Variants in ARPC3 observed in about 807,000 individuals in gnomAD.
The protein encoded by ARPC3 is actin related protein 2/3 complex subunit 3, also known as actin-related protein 2/3 complex subunit 3.
A neutral mutation model predicts 27.6 loss-of-function variants in ARPC3; 12 were observed. The observed-to-expected ratio is 0.43, with a 90% CI of 0.28 to 0.70. ARPC3 has a LOEUF of 0.70. Among genes scored for constraint, ARPC3 ranks in the 30% least tolerant of loss-of-function variants. The pLI is 0.17. For synonymous variants in ARPC3, 53 were observed against 67.2 expected (o/e 0.79, Z 1.03); for missense variants, 153 against 207.7 (o/e 0.74, Z 1.62).
chr12:110,436,273 G>T, intron 5 of ARPC3, 69 bp from the exon 6 acceptor site: 1 of 1,269,790 alleles, frequency 7.9e-7, no homozygotes, highest in South Asian at 1.2e-5. Context: ...TGCAGCTCTG[G>T]ATGCTCACTG....
chr12:110,449,261 TTAAAAATAATGTGTGAG>T (rs2062485215), intron 1 of ARPC3, among the ~76,000 whole-genome samples: 1 of 152,074 alleles, frequency 6.6e-6, no homozygotes, highest in Non-Finnish European at 1.5e-5. Context: ...TTAACGTTTG[TTAAAAATAATGTGTGAG>T]CAGGCTGGGC....
chr12:110,447,650 G>A (rs1411010197), intron 1 of ARPC3, among the ~76,000 whole-genome samples: 1 of 152,130 alleles, frequency 6.6e-6, no homozygotes, highest in Non-Finnish European at 1.5e-5. Flanking sequence ...GTGCATGCCT[G>A]TATTCCCAGC....
chr12:110,444,119 G>A (rs995690763), intron 2 of ARPC3, among the ~76,000 whole-genome samples: 3 of 151,566 alleles, frequency 2.0e-5, no homozygotes, highest in Non-Finnish European at 2.9e-5. Flanking sequence ...ACAGGCATGC[G>A]CCACCATGCC....
Position 110,436,695 on chromosome 12 carries a change from A to AAAT in ARPC3, c.253-13_253-12insATT, listed in dbSNP as rs764485902. 1.7e-4 allele frequency: 127 copies of AAAT among 735,078 alleles called. 6 individuals are homozygous for AAAT. In the Middle Eastern group the frequency reaches 2.1e-3, roughly 12 times the overall value. The allele number at this position is 735,078 out of a possible 1,614,324, so 45.5% of individuals were successfully genotyped here. A position where few individuals can be genotyped will look rare whatever the true frequency, so the allele number is the denominator to read the frequency against. ...CTTTTGGAATTGCACTGGAAAAAAA[A>AAAT]ATATATATATATATATACACACACA... On this transcript the variant is annotated splice_polypyrimidine_tract_variant and intron_variant, in intron 4 of 6. Transcript: ENST00000228825.
intron 5 of ARPC3, 63 bp downstream of exon 5, chr12:110,436,494 G>A: frequency 6.2e-7 from 1 of 1,603,460 alleles, no homozygotes; most frequent in Non-Finnish European, 8.5e-7. Context: ...AAGAGGGGTG[G>A]TAGGAAGTCA....
intron 3 of ARPC3, 93 bp from the exon 4 acceptor site, chr12:110,437,245 CTGAA>C: frequency 1.1e-6 from 1 of 874,224 alleles, no homozygotes; most frequent in Non-Finnish European, 1.9e-6. Context: ...TGATTATCTG[CTGAA>C]TGCAGTGGTA....
At chr12:110,445,420 C>T in intron 2 of ARPC3, 32 bp downstream of exon 2, 1 of 1,513,842 alleles carries the variant, frequency 6.6e-7, no homozygotes, top group South Asian at 1.1e-5. Context: ...GCATTTCGTA[C>T]CAAAATTTGA....
chr12:110,447,849 C>T (rs2062474488), intron 1 of ARPC3, among the ~76,000 whole-genome samples: 1 of 147,980 alleles, frequency 6.8e-6, no homozygotes, highest in Non-Finnish European at 1.5e-5. Context: ...CCAGGGTGCT[C>T]TATGTGCGAT....
intron 2 of ARPC3, chr12:110,440,648 G>A (rs1267997033): frequency 3.0e-4 from 115 of 378,110 alleles, no homozygotes; most frequent in Non-Finnish European, 4.6e-4. Context: ...CCGGGTTCAC[G>A]CCATTCTCCT....
In ARPC3 at chr12:110,450,150, G is replaced by C. The variant is rs2062493254; in HGVS notation, c.6+105C>G. On this transcript the variant is annotated intron_variant, in intron 1 of 6. Transcript: ENST00000228825. Reference sequence around the variant, plus strand: ...TCGCCTCCCTCCTTCTCGGGCCCCAGCTTCCTCTCTGCCTTCCGCCGCCCG... The same window carrying C: ...TCGCCTCCCTCCTTCTCGGGCCCCACCTTCCTCTCTGCCTTCCGCCGCCCG... The C allele has an allele frequency of 7.3e-6, 11 of 1,514,052 alleles. No individual in the cohort carries two copies. In the South Asian group the frequency reaches 1.3e-4, roughly 18 times the overall value. The allele number at this position is 1,514,052 out of a possible 1,614,324, so 93.8% of individuals were successfully genotyped here.
chr12:110,445,408 A>T (rs1330039489), intron 2 of ARPC3, 44 bp downstream of exon 2: 2 of 1,362,790 alleles, frequency 1.5e-6, no homozygotes, highest in South Asian at 1.2e-5. Context: ...GAAGATTGTT[A>T]GGCATTTCGT....
In ARPC3 at chr12:110,450,283, C is replaced by T; in HGVS notation, c.-23G>A. ...CATCTTGGCGGCGCCCGGGTTTCAA[C>T]CCAGAGGAGCAGGATCCAGGTACAG... On this transcript the variant is annotated 5_prime_UTR_variant, in exon 1 of 7. Transcript: ENST00000228825. 1.2e-6 allele frequency: 2 copies of T among 1,614,014 alleles called. No homozygotes were observed. Among genetic ancestry groups the T allele is most frequent in the Admixed American group, 3.3e-5 (2 of 60,014 alleles).
intron 3 of ARPC3, 98 bp downstream of exon 3, chr12:110,440,214 G>T (rs2062428046): frequency 4.9e-6 from 4 of 822,540 alleles, no homozygotes; most frequent in South Asian, 4.4e-5. Context: ...ATTACATGCT[G>T]ATTTCATTTT....
intron 6 of ARPC3, among the ~76,000 whole-genome samples, chr12:110,435,495 A>C (rs1399282592): frequency 6.6e-6 from 1 of 151,854 alleles, no homozygotes; most frequent in Non-Finnish European, 1.5e-5. Context: ...ACGCCTGGCT[A>C]ATTTTTTGTA....
intron 3 of ARPC3, among the ~76,000 whole-genome samples, chr12:110,439,608 G>A (rs369739983): frequency 5.3e-5 from 8 of 152,158 alleles, no homozygotes; most frequent in African/African-American, 9.7e-5. Flanking sequence ...TGAGGTGAGC[G>A]GATCATGAGG....
At chr12:110,437,337 G>C in intron 3 of ARPC3, 185 bp from the exon 4 acceptor site, 1 of 579,872 alleles carries the variant, frequency 1.7e-6, no homozygotes, top group African/African-American at 1.9e-5. Context: ...CTGCCCCTGG[G>C]AGGAAGGCAC....
rs138019277 is a variant in ARPC3 at position 110,446,631 on chromosome 12, C to T, written c.7-1080G>A. 6.4e-3 allele frequency among the ~76,000 whole-genome samples: 888 copies of T among 137,758 alleles called. 14 individuals carry two copies. The highest frequency in any genetic ancestry group is 0.022 in the African/African-American group (818 of 36,380). The allele number at this position is 137,758 out of a possible 152,430, so 90.4% of individuals were successfully genotyped here. ...TCCTAATTTTTTTTTTTTTTTGAGA[C>T]GGAGTCTTGCCCTGTCGCCCAGGAT... On this transcript the variant is annotated intron_variant, in intron 1 of 6. Coordinates refer to ENST00000228825, the MANE Select transcript of ARPC3 (RefSeq NM_001278556.2).
At chr12:110,442,878 TTTC>T (rs1377172703) in intron 2 of ARPC3, 1 of 152,254 alleles carries the variant, frequency 6.6e-6, no homozygotes, top group South Asian at 2.1e-4. Flanking sequence ...ATTTTTTGTT[TTTC>T]TTCTTCTTAT....
intron 3 of ARPC3, 108 bp from the exon 4 acceptor site, chr12:110,437,260 G>T: frequency 1.3e-6 from 1 of 782,616 alleles, no homozygotes; most frequent in Non-Finnish European, 2.2e-6. Context: ...TGCAGTGGTA[G>T]GACAGCCACT....
Sources: gnomAD v4.1 joint callset for allele counts (sites outside exome capture counted in the v4.1 genomes callset) on GRCh38, gnomAD v4.1.1 for gene constraint, MANE v1.5 for transcripts, NCBI Gene and HGNC (gene_info 2026-07-23, HGNC 2026-07-21) for gene names.